The following ADGRL3 variants were observed in gnomAD, a reference collection of about 807,000 sequenced individuals.
ADGRL3 encodes calcium-independent alpha-latrotoxin receptor 3.
In ADGRL3, 62 loss-of-function variants were observed where a neutral mutation model predicts 153.5. The observed-to-expected ratio is 0.40, with a 90% CI of 0.33 to 0.50. The LOEUF (loss-of-function observed/expected upper bound fraction) is 0.50. Ranked by LOEUF, ADGRL3 falls within the 20% of genes least tolerant of loss-of-function variation. The pLI, the probability that ADGRL3 is intolerant of heterozygous loss-of-function variation, is 0.47. For missense variants in ADGRL3, 1,641 were observed against 1,859.4 expected (o/e 0.88, Z 2.16); for synonymous variants, 710 against 672.5 (o/e 1.06, Z -0.86).
intron 2 of ADGRL3, among the ~76,000 whole-genome samples, chr4:61,436,767 T>C (rs187373725): frequency 2.8e-4 from 42 of 152,216 alleles, no homozygotes; most frequent in Middle Eastern, 3.4e-3. Flanking sequence ...CTGAAAATCA[T>C]AGTGGTAAGG....
chr4:61,248,133 CCTT>C (rs1757810347), intron 1 of ADGRL3, among the ~76,000 whole-genome samples: 2 of 152,014 alleles, frequency 1.3e-5, no homozygotes, highest in Non-Finnish European at 2.9e-5. Context: ...TGAATTGAAA[CCTT>C]CTCATTTGCT....
chr4:61,245,993 A>G (rs1298331368), intron 1 of ADGRL3, among the ~76,000 whole-genome samples: 8 of 152,066 alleles, frequency 5.3e-5, no homozygotes, highest in Non-Finnish European at 1.5e-5. Context: ...GTTTGTTAGC[A>G]TCTGATCTGT....
chr4:61,266,497 G>A (rs1188453388), intron 1 of ADGRL3, among the ~76,000 whole-genome samples: 2 of 151,746 alleles, frequency 1.3e-5, no homozygotes, highest in African/African-American at 2.4e-5. Context: ...GATTTATCAT[G>A]TATTGCTTTG....
chr4:61,372,633 G>C (rs1274975790), intron 1 of ADGRL3, among the ~76,000 whole-genome samples: 1 of 152,192 alleles, frequency 6.6e-6, no homozygotes, highest in Admixed American at 6.5e-5. Flanking sequence ...TCTCTTCAAA[G>C]CTGTCAGACA....
At chr4:61,627,981 A>G (rs2149964906) in intron 5 of ADGRL3, among the ~76,000 whole-genome samples, 1 of 152,296 alleles carries the variant, frequency 6.6e-6, no homozygotes, top group Non-Finnish European at 1.5e-5. Context: ...CTCAATAACA[A>G]GGATGCTTGG....
intron 25 of ADGRL3, among the ~76,000 whole-genome samples, chr4:62,053,064 G>T (rs1404081596): frequency 6.6e-6 from 1 of 151,494 alleles, no homozygotes; most frequent in African/African-American, 2.4e-5. Context: ...TAAACATAAA[G>T]GTTGTGATGA....
At chr4:62,004,467 AAAAAAT>A (rs2151140671) in intron 21 of ADGRL3, among the ~76,000 whole-genome samples, 1 of 152,068 alleles carries the variant, frequency 6.6e-6, no homozygotes, top group East Asian at 1.9e-4. Flanking sequence ...AGTTACTGAT[AAAAAAT>A]ACTGATATAC....
intron 8 of ADGRL3, among the ~76,000 whole-genome samples, chr4:61,787,137 CT>C (rs1410873032): frequency 6.6e-6 from 1 of 152,066 alleles, no homozygotes; most frequent in East Asian, 1.9e-4. Context: ...CTCTTATATT[CT>C]ATAAATGATA....
At chr4:61,978,612 GT>G (rs570326515) in intron 17 of ADGRL3, among the ~76,000 whole-genome samples, 45 of 152,234 alleles carry the variant, frequency 3.0e-4, no homozygotes, top group African/African-American at 1.0e-3. Context: ...ATTCACAGAA[GT>G]TTTTTTAGTG....
chr4:61,386,330 TTAAAA>T (rs1230787528), intron 2 of ADGRL3, among the ~76,000 whole-genome samples: 1 of 152,096 alleles, frequency 6.6e-6, no homozygotes, highest in African/African-American at 2.4e-5. Flanking sequence ...AGCCAAAAAC[TTAAAA>T]TAATCAAGAA....
chr4:61,820,052 G>A (rs773188881), intron 9 of ADGRL3, among the ~76,000 whole-genome samples: 1 of 151,858 alleles, frequency 6.6e-6, no homozygotes, highest in African/African-American at 2.4e-5. Context: ...AAAGTATTTT[G>A]TGTTATTGTT....
chr4:62,053,019 G>C (rs1002451583), intron 25 of ADGRL3, among the ~76,000 whole-genome samples: 1 of 151,386 alleles, frequency 6.6e-6, no homozygotes, highest in Non-Finnish European at 1.5e-5. Flanking sequence ...CTTGAACTGT[G>C]TCTCTCATCT....
At chr4:61,493,627 G>A (rs1197699100) in intron 2 of ADGRL3, among the ~76,000 whole-genome samples, 1 of 152,146 alleles carries the variant, frequency 6.6e-6, no homozygotes, top group African/African-American at 2.4e-5. Context: ...GTGGTGTCCT[G>A]AAAAGCACCA....
At chr4:61,558,720 G>T (rs2098780747) in intron 4 of ADGRL3, among the ~76,000 whole-genome samples, 2 of 151,582 alleles carry the variant, frequency 1.3e-5, no homozygotes, top group African/African-American at 4.8e-5. Context: ...TAGATTTACT[G>T]CCTTTAAAAT....
chr4:61,712,611 T>G (rs1002164054), intron 6 of ADGRL3, among the ~76,000 whole-genome samples: 4 of 152,198 alleles, frequency 2.6e-5, no homozygotes, highest in Non-Finnish European at 4.4e-5. Context: ...TTGAATTCCA[T>G]TCACTTAATT....
chr4:61,336,325 G>A (rs182090599), intron 1 of ADGRL3, among the ~76,000 whole-genome samples: 5 of 152,152 alleles, frequency 3.3e-5, no homozygotes, highest in Admixed American at 3.3e-4. Context: ...CATTTCATAA[G>A]CGATTTGGAC....
At chr4:61,463,597 A>T (rs2097848188) in intron 2 of ADGRL3, among the ~76,000 whole-genome samples, 1 of 152,118 alleles carries the variant, frequency 6.6e-6, no homozygotes, top group Non-Finnish European at 1.5e-5. Flanking sequence ...AAACCATATC[A>T]CCTTAGTTTT....
chr4:61,769,471 G>C (rs919103613), intron 8 of ADGRL3, among the ~76,000 whole-genome samples: 3 of 117,086 alleles, frequency 2.6e-5, no homozygotes, highest in African/African-American at 7.4e-5. Context: ...CTTTCTCACG[G>C]AGCAAAGAGC....
At chr4:62,055,982 A>G (rs2151811001) in intron 25 of ADGRL3, among the ~76,000 whole-genome samples, 2 of 151,776 alleles carry the variant, frequency 1.3e-5, no homozygotes, top group South Asian at 4.1e-4. Flanking sequence ...CAAAAAGTAT[A>G]TGGAAAGATT....
Sources: gnomAD v4.1 joint callset for allele counts (sites outside exome capture counted in the v4.1 genomes callset) on GRCh38, gnomAD v4.1.1 for gene constraint, MANE v1.5 for transcripts, NCBI Gene and HGNC (gene_info 2026-07-23, HGNC 2026-07-21) for gene names.